The following PPHLN1 variants were observed in gnomAD, a reference collection of about 807,000 sequenced individuals.
PPHLN1 encodes the protein periphilin-1.
A neutral mutation model predicts 51.3 loss-of-function variants in PPHLN1; 29 were observed. The observed-to-expected ratio is 0.57, with a 90% CI of 0.42 to 0.77. PPHLN1 has a LOEUF of 0.77. Among genes scored for constraint, PPHLN1 ranks in the 30% least tolerant of loss-of-function variants. The probability of loss-of-function intolerance (pLI) is 0.00; values close to 1 mark genes in which losing one functional copy is unlikely to be tolerated. For missense variants in PPHLN1, 436 were observed against 438.4 expected (o/e 0.99, Z 0.05); for synonymous variants, 147 against 147.8 (o/e 0.99, Z 0.04).
In PPHLN1 at chr12:42,393,690, G is replaced by A. The variant is rs2077935592; in HGVS notation, c.768+1G>A. The A allele has an allele frequency of 1.9e-6, 3 of 1,598,006 alleles. No homozygotes were observed. Among genetic ancestry groups the A allele is most frequent in the South Asian group, 2.3e-5 (2 of 87,592 alleles). On this transcript the variant is annotated splice_donor_variant, in intron 8 of 9. Transcript: ENST00000358314. LOFTEE classifies it high-confidence loss of function. Reference sequence around the variant, plus strand: ...CTTGCCTGAAATTTCTGAGTATGAGGTAAGGCATAATGTCTCCTTTATGTT... The same window carrying A: ...CTTGCCTGAAATTTCTGAGTATGAGATAAGGCATAATGTCTCCTTTATGTT...
chr12:42,366,474 C>T (rs1013023570), intron 4 of PPHLN1, among the ~76,000 whole-genome samples: 2 of 151,982 alleles, frequency 1.3e-5, no homozygotes, highest in South Asian at 2.1e-4. Context: ...GTGATCTGCC[C>T]TCCTCGGCTC....
At position 42,372,045 on chromosome 12, in the gene PPHLN1, C is replaced by T. The variant is rs576063425; in HGVS notation, c.300-2818C>T. Among the ~76,000 whole-genome samples the T allele has an allele frequency of 2.6e-5, 4 of 152,162 alleles. No homozygotes were observed. In the East Asian group the frequency reaches 7.7e-4, roughly 29 times the overall value. On this transcript the variant is annotated intron_variant, in intron 4 of 9. Coordinates refer to ENST00000358314, the MANE Select transcript of PPHLN1 (RefSeq NM_201439.2). The stretch of plus-strand genomic sequence containing the variant: ...GTCCTCACCCCCTCTCACCCTACTC[C>T]CCCTTCCCAATATACTTAGCTTCTT...
intron 9 of PPHLN1, among the ~76,000 whole-genome samples, chr12:42,426,902 G>A (rs1465215126): frequency 6.6e-6 from 1 of 152,132 alleles, no homozygotes; most frequent in East Asian, 1.9e-4. Flanking sequence ...GATGAGCTGG[G>A]AAGGAAGTGG....
At chr12:42,436,346 C>G (rs1156382080) in intron 9 of PPHLN1, among the ~76,000 whole-genome samples, 1 of 152,176 alleles carries the variant, frequency 6.6e-6, no homozygotes, top group African/African-American at 2.4e-5. Context: ...AACTTACTCC[C>G]TCCTTCAGGA....
intron 3 of PPHLN1, among the ~76,000 whole-genome samples, chr12:42,354,429 C>T (rs909027664): frequency 2.0e-5 from 3 of 151,954 alleles, no homozygotes; most frequent in Non-Finnish European, 2.9e-5. Context: ...AGGCTGGTCT[C>T]GAAATCCTGA....
chr12:42,425,894 A>G (rs2081415029), intron 9 of PPHLN1, among the ~76,000 whole-genome samples: 2 of 152,184 alleles, frequency 1.3e-5, no homozygotes, highest in South Asian at 2.1e-4. Flanking sequence ...TGCCTGGTCC[A>G]CTGGATCATC....
chr12:42,431,092 A>G (rs73126412), intron 9 of PPHLN1, among the ~76,000 whole-genome samples: 17,128 of 152,226 alleles, frequency 0.11, 1,212 homozygotes, highest in African/African-American at 0.19. Context: ...AAGGTGGAAC[A>G]GTCACTGCCA....
At chr12:42,445,071 T>C (rs1672410415), downstream of PPHLN1, 1 of 702,396 alleles carries the variant, frequency 1.4e-6, no homozygotes, top group East Asian at 2.7e-5. Context: ...CCTCATTAAG[T>C]CTACTCTCGA....
At chr12:42,400,467 CA>C (rs34462402) in intron 9 of PPHLN1, 120 of 95,370 alleles carry the variant, frequency 1.3e-3, no homozygotes, top group African/African-American at 1.8e-3. Context: ...GACTCCGTCT[CA>C]AAAAAAAAAA....
chr12:42,396,967 G>C lies in PPHLN1; in HGVS notation c.769-1887G>C, dbSNP rs113474560. On this transcript the variant is annotated intron_variant, in intron 8 of 9. Transcript: ENST00000358314. ...AGGTGAGAGGATCTTGCTTCTGGAT[G>C]ATTGAGGCTGCAGTGAGCTGTGACT... 3.7e-3 allele frequency among the ~76,000 whole-genome samples: 556 copies of C among 149,678 alleles called. 4 individuals are homozygous for C. The highest frequency in any genetic ancestry group is 0.013 in the African/African-American group (523 of 40,636).
intron 2 of PPHLN1, chr12:42,343,753 T>C (rs745968427): frequency 1.3e-5 from 4 of 304,434 alleles, no homozygotes; most frequent in South Asian, 2.6e-5. Context: ...TTGTTGTCAC[T>C]GTTTTCAGAA....
chr12:42,336,973 G>C (rs2070747973), intron 2 of PPHLN1, among the ~76,000 whole-genome samples: 1 of 152,132 alleles, frequency 6.6e-6, no homozygotes, highest in Non-Finnish European at 1.5e-5. Flanking sequence ...TACAATCCAG[G>C]TTGGGGTTGA....
chr12:42,342,978 T>C (rs2071714829), intron 2 of PPHLN1, among the ~76,000 whole-genome samples: 1 of 152,196 alleles, frequency 6.6e-6, no homozygotes. Flanking sequence ...AATAAATCCT[T>C]TAGTAAATCC....
At chr12:42,443,659 C>T (rs956616988), downstream of PPHLN1, 4 of 152,148 alleles carry the variant, frequency 2.6e-5, no homozygotes, top group South Asian at 8.3e-4. Context: ...CATCAAACAG[C>T]CCTTGGAATT....
chr12:42,398,902 T>G lies in PPHLN1; in HGVS notation c.817T>G (p.Ser273Ala). The G allele has an allele frequency of 6.2e-7, 1 of 1,613,896 alleles. No individual in the cohort carries two copies. The highest frequency in any genetic ancestry group is 8.5e-7 in the Non-Finnish European group (1 of 1,179,938). ...LFTDQPEEPE[S>A]NTTHGIELFE... ...TACTGACCAGCCAGAGGAACCTGAG[T>G]CAAACACAACACATGGGATAGAATT... The change falls in exon 9 of 10, where the codon TCA (serine) becomes GCA (alanine). Residue 273 changes from serine (S) to alanine (A), a missense_variant. Physicochemically the swap from Ser to Ala is moderately conservative, Grantham distance 99 (BLOSUM62 1). Coordinates refer to ENST00000358314, the MANE Select transcript of PPHLN1 (RefSeq NM_201439.2).
downstream of PPHLN1, chr12:42,442,828 A>G (rs969424518): frequency 6.3e-7 from 1 of 1,586,726 alleles, no homozygotes; most frequent in Non-Finnish European, 8.6e-7. Context: ...CTATCCACAC[A>G]ACAGAAACAG....
At chr12:42,445,210 C>G, downstream of PPHLN1, 1 of 679,816 alleles carries the variant, frequency 1.5e-6, no homozygotes. Flanking sequence ...AATGATCAAG[C>G]AGACCTGCAG....
rs147632072 is a variant in PPHLN1 at position 42,397,800 on chromosome 12, G to A, written c.769-1054G>A. On this transcript the variant is annotated intron_variant, in intron 8 of 9. Transcript: ENST00000358314. ...CGCCAGGCTGGAGTGCAGTGGCGCT[G>A]GTGTGATTTTGGCTCACTGCAACCT... Among the ~76,000 whole-genome samples the A allele has an allele frequency of 4.4e-3, 676 of 152,088 alleles. 5 individuals carry two copies. The highest frequency in any genetic ancestry group is 7.7e-3 in the Non-Finnish European group (521 of 67,972).
chr12:42,330,392 T>C (rs1262546949), intron 1 of PPHLN1, among the ~76,000 whole-genome samples: 1 of 152,186 alleles, frequency 6.6e-6, no homozygotes, highest in Non-Finnish European at 1.5e-5. Context: ...GTCTTTCTCG[T>C]CCCACGAGGC....
Sources: gnomAD v4.1 joint callset for allele counts (sites outside exome capture counted in the v4.1 genomes callset) on GRCh38, gnomAD v4.1.1 for gene constraint, MANE v1.5 for transcripts, NCBI Gene and HGNC (gene_info 2026-07-23, HGNC 2026-07-21) for gene names.